Variants in ZC3H4 observed in about 807,000 individuals in gnomAD.
The protein encoded by ZC3H4 is zinc finger CCCH-type containing 4, also known as zinc finger CCCH domain-containing protein 4.
A neutral mutation model predicts 108.3 loss-of-function variants in ZC3H4; 13 were observed. The ratio of observed to expected loss-of-function variants is 0.12; its 90% confidence interval spans 0.08 to 0.19. ZC3H4 has a LOEUF of 0.19. Among genes scored for constraint, ZC3H4 ranks in the 10% least tolerant of loss-of-function variants. The pLI, the probability that ZC3H4 is intolerant of heterozygous loss-of-function variation, is 1.00. For missense variants in ZC3H4, 1,734 were observed against 1,838.8 expected (o/e 0.94, Z 1.04); for synonymous variants, 917 against 749.6 (o/e 1.22, Z -3.65).
chr19:47,108,401 C>G (rs2057994048), intron 2 of ZC3H4, among the ~76,000 whole-genome samples: 1 of 152,058 alleles, frequency 6.6e-6, no homozygotes, highest in African/African-American at 2.4e-5. Context: ...GATCTGACCT[C>G]TATGGAGAGA....
intron 4 of ZC3H4, among the ~76,000 whole-genome samples, chr19:47,092,068 G>A (rs1229641085): frequency 6.6e-6 from 1 of 151,924 alleles, no homozygotes; most frequent in Non-Finnish European, 1.5e-5. Flanking sequence ...AATTAGCCTT[G>A]GCGTTATGGC....
At chr19:47,109,048 A>G (rs1391175085) in intron 2 of ZC3H4, among the ~76,000 whole-genome samples, 2 of 152,202 alleles carry the variant, frequency 1.3e-5, no homozygotes, top group East Asian at 1.9e-4. Flanking sequence ...TTGTAAGTGT[A>G]TAATAAGATT....
intron 2 of ZC3H4, among the ~76,000 whole-genome samples, chr19:47,101,830 T>C (rs1373220871): frequency 6.7e-6 from 1 of 149,426 alleles, no homozygotes; most frequent in Non-Finnish European, 1.5e-5. Flanking sequence ...ATCGCACCAC[T>C]GCACTCCAGC....
intron 7 of ZC3H4, 36 bp from the exon 8 acceptor site, chr19:47,085,231 A>G: frequency 1.3e-6 from 2 of 1,560,394 alleles, no homozygotes; most frequent in Non-Finnish European, 1.7e-6. Context: ...CCTGCTGACC[A>G]CCCCCTCCCC....
chr19:47,066,034 CA>C lies in ZC3H4; in HGVS notation c.*321del, dbSNP rs779069722. 5.6e-5 allele frequency: 13 copies of C among 233,192 alleles called. No individual in the cohort carries two copies. The highest frequency in any genetic ancestry group is 1.1e-4 in the Non-Finnish European group (13 of 121,446). 14.4% of individuals were successfully genotyped at this position (233,192 alleles called of 1,614,324 possible). ...CCCAGAAAACCCACTGGGCCTCCAG[CA>C]AGGCCCGGCCACGCAGAGCCCACAG... On this transcript the variant is annotated 3_prime_UTR_variant, in exon 15 of 15. Coordinates refer to ENST00000253048, the MANE Select transcript of ZC3H4 (RefSeq NM_015168.2).
rs554387468 is a variant in ZC3H4 at position 47,069,269 on chromosome 19, C to G, written c.2221G>C (p.Asp741His). Residue 741 changes from aspartate to histidine, a missense_variant, in exon 14 of 15, where the codon GAC (aspartate) becomes CAC (histidine). By Grantham distance (81) the Asp-to-His change is moderately conservative. Around this residue, in one of 9 missense-constraint regions of ZC3H4, gnomAD observed 540 missense variants for 484.1 expected, o/e 1.12. Coordinates refer to ENST00000253048, the MANE Select transcript of ZC3H4 (RefSeq NM_015168.2). Reference sequence around the variant, plus strand: ...GGGGGCCCTCCCTCAGAGAAGCTGTCGGGCTCCAGAGGGTGCTCAGGGAAG... The same window carrying G: ...GGGGGCCCTCCCTCAGAGAAGCTGTGGGGCTCCAGAGGGTGCTCAGGGAAG... ...HLFPEHPLEPDSFSEGGPPGR... is the reference protein window; with the variant it reads ...HLFPEHPLEPHSFSEGGPPGR... 69 of 1,613,892 alleles carry G rather than the reference C, an allele frequency of 4.3e-5. No homozygotes were observed. The East Asian group carries it at 1.4e-3, about 32-fold the overall frequency.
In ZC3H4 at chr19:47,066,555, G is replaced by C. The variant is rs1351724455; in HGVS notation, c.3713C>G (p.Pro1238Arg). ...APAATTATPP[P>R]EGAPPQPGVH... Reference sequence around the variant, plus strand: ...CCCGGGCTGGGGTGGGGCACCCTCGGGGGGTGGGGTGGCGGTGGTGGCAGC... The same window carrying C: ...CCCGGGCTGGGGTGGGGCACCCTCGCGGGGTGGGGTGGCGGTGGTGGCAGC... The change falls in exon 15 of 15, where the codon CCC (proline) becomes CGC (arginine). Residue 1238 changes from proline (P) to arginine (R), a missense_variant. Physicochemically the swap from Pro to Arg is moderately radical, Grantham distance 103. Transcript: ENST00000253048. The C allele has an allele frequency of 1.3e-6, 2 of 1,575,960 alleles. No homozygotes were observed. Among genetic ancestry groups the C allele is most frequent in the Non-Finnish European group, 1.7e-6 (2 of 1,160,892 alleles).
At position 47,071,874 on chromosome 19, in the gene ZC3H4, T is replaced by A; in HGVS notation, c.2050A>T (p.Met684Leu). 1 of 1,613,364 alleles carries A rather than the reference T, an allele frequency of 6.2e-7. No individual in the cohort carries two copies. Among genetic ancestry groups the A allele is most frequent in the Non-Finnish European group, 8.5e-7 (1 of 1,179,708 alleles). ...YGPGDSPHSG[M>L]MPPIPPAQNF... ...TGGGCTGGCGGGATAGGGGGCATCA[T>A]TCCAGAATGTGGGGAGTCTCCAGGG... Residue 684 changes from methionine to leucine, a missense_variant, in exon 13 of 15, where the codon ATG (methionine) becomes TTG (leucine). This residue lies in a region of ZC3H4 where 540 missense variants were observed against 484.1 expected (regional missense o/e 1.12). Transcript: ENST00000253048.
chr19:47,078,463 AAC>A (rs2057461441), intron 11 of ZC3H4, among the ~76,000 whole-genome samples: 1 of 150,756 alleles, frequency 6.6e-6, no homozygotes. Context: ...CCAGCCTGGC[AAC>A]AGAGCGAGAC....
intron 2 of ZC3H4, among the ~76,000 whole-genome samples, chr19:47,110,539 T>A (rs1218429773): frequency 6.6e-6 from 1 of 152,058 alleles, no homozygotes; most frequent in Non-Finnish European, 1.5e-5. Flanking sequence ...ATCAATTCAC[T>A]CTCAAGCATC....
At chr19:47,078,451 C>G (rs1189583909) in intron 11 of ZC3H4, among the ~76,000 whole-genome samples, 1 of 150,442 alleles carries the variant, frequency 6.6e-6, no homozygotes, top group East Asian at 2.0e-4. Context: ...GCCCACTGCA[C>G]TCCAGCCTGG....
At chr19:47,093,355 G>A (rs1286965493) in intron 4 of ZC3H4, among the ~76,000 whole-genome samples, 1 of 151,822 alleles carries the variant, frequency 6.6e-6, no homozygotes, top group Admixed American at 6.6e-5. Context: ...TCTAACCTCT[G>A]CCTACTGGCT....
intron 11 of ZC3H4, among the ~76,000 whole-genome samples, chr19:47,080,704 A>G (rs1385635084): frequency 6.6e-6 from 1 of 151,104 alleles, no homozygotes; most frequent in Non-Finnish European, 1.5e-5. Flanking sequence ...TCTGTTGCAC[A>G]GGCTGGATGG....
Position 47,071,788 on chromosome 19 carries a change from C to T in ZC3H4, c.2136G>A (p.Leu712=). 1 of 1,609,646 alleles carries T rather than the reference C, an allele frequency of 6.2e-7. No homozygotes were observed. Residue 712 remains leucine, a synonymous_variant, in exon 13 of 15, where the codon CTG becomes CTA. Transcript: ENST00000253048. ...TGGAGTCCCGCATACCTGCATCCCC[C>T]AGGAGTCCGGGCTCCATCTCCATGC... ...QEGMEMEPGL[L]GDAEDYGHYE... is the part of the protein sequence containing the mutation.
intron 11 of ZC3H4, among the ~76,000 whole-genome samples, chr19:47,079,920 G>A (rs142398557): frequency 0.024 from 3,712 of 152,214 alleles, 58 homozygotes; most frequent in Non-Finnish European, 0.038. Context: ...CCCTAGGGCA[G>A]CAGGCTCCCC....
chr19:47,082,749 C>G (rs2057546580), intron 9 of ZC3H4, among the ~76,000 whole-genome samples: 1 of 152,222 alleles, frequency 6.6e-6, no homozygotes, highest in Non-Finnish European at 1.5e-5. Flanking sequence ...GAATAGTAAG[C>G]AGGAATGAGC....
intron 13 of ZC3H4, among the ~76,000 whole-genome samples, chr19:47,070,452 G>A (rs2057305773): frequency 6.6e-6 from 1 of 152,090 alleles, no homozygotes; most frequent in South Asian, 2.1e-4. Flanking sequence ...CATGTTAGAG[G>A]GAGGATTTTA....
Position 47,067,344 on chromosome 19 carries a change from C to T in ZC3H4, c.2924G>A (p.Arg975His), listed in dbSNP as rs771032970. Residue 975 changes from arginine (R) to histidine (H), a missense_variant, in exon 15 of 15, where the codon CGC becomes CAC. Arg to His is a conservative substitution (Grantham distance 29). This residue lies in a region of ZC3H4 where 518 missense variants were observed against 499.6 expected (regional missense o/e 1.04). Transcript: ENST00000253048. The surrounding 1 kb of genome is among the most constrained non-coding windows in gnomAD (Gnocchi z 6.4). ...GTCCTCGGGATTCCAGAGCACGGTG[C>T]GGGCGAAGCTGGGCTTGCTCAGGGT... Reference protein sequence around the residue: ...DVTLSKPSFARTVLWNPEDLI... With the variant: ...DVTLSKPSFAHTVLWNPEDLI... 8.1e-6 allele frequency: 13 copies of T among 1,601,644 alleles called. No individual in the cohort carries two copies. Among genetic ancestry groups the T allele is most frequent in the Admixed American group, 1.7e-5 (1 of 58,732 alleles).
intron 3 of ZC3H4, 102 bp from the exon 4 acceptor site, chr19:47,094,182 T>C: frequency 7.9e-7 from 1 of 1,259,072 alleles, no homozygotes; most frequent in Non-Finnish European, 1.1e-6. Flanking sequence ...CGCAGGGCTC[T>C]GCGCTTCACC....
Sources: gnomAD v4.1 joint callset for allele counts (sites outside exome capture counted in the v4.1 genomes callset) on GRCh38, gnomAD v4.1.1 for gene constraint, gnomAD v4.1.1 regional missense constraint, Gnocchi (gnomAD v3.1) non-coding constraint, MANE v1.5 for transcripts, NCBI Gene and HGNC (gene_info 2026-07-23, HGNC 2026-07-21) for gene names.